The following ZNF692 variants were observed in gnomAD, a reference collection of about 807,000 sequenced individuals.
ZNF692 encodes the protein zinc finger protein 692.
Under a neutral mutation model 49.0 loss-of-function variants are expected in ZNF692, and 41 were observed. The ratio of observed to expected loss-of-function variants is 0.84; its 90% confidence interval spans 0.65 to 1.08. ZNF692 has a LOEUF of 1.08. Ranked by LOEUF, ZNF692 falls within the 50% of genes least tolerant of loss-of-function variation. The pLI is 0.00. For synonymous variants in ZNF692, 288 were observed against 251.5 expected, an observed-to-expected ratio of 1.15 and a Z score of -1.37; for missense variants, 662 against 662.2, an observed-to-expected ratio of 1.00 and a Z score of 0.00.
intron 10 of ZNF692, among the ~76,000 whole-genome samples, chr1:248,851,545 G>A (rs1312409344): frequency 6.6e-6 from 1 of 151,912 alleles, no homozygotes; most frequent in Non-Finnish European, 1.5e-5. Flanking sequence ...CGCACCATCA[G>A]ACCACACAAA....
In ZNF692 at chr1:248,854,825, G is replaced by A. The variant is rs999386998; in HGVS notation, c.1038+555C>T. 2.6e-5 allele frequency among the ~76,000 whole-genome samples: 4 copies of A among 152,156 alleles called. No individual in the cohort carries two copies. The South Asian group carries it at 8.3e-4, about 32-fold the overall frequency. On this transcript the variant is annotated intron_variant, in intron 9 of 11. Coordinates refer to ENST00000306601, the MANE Select transcript of ZNF692 (RefSeq NM_017865.4). ...CAGCCTAGAGCTTCCCTGTCATCCCGGGTCATTTTCCCTTTTCACTTGATT... is the reference window on the plus strand; with the variant it reads ...CAGCCTAGAGCTTCCCTGTCATCCCAGGTCATTTTCCCTTTTCACTTGATT...
intron 2 of ZNF692, 23 bp from the exon 3 acceptor site, chr1:248,857,882 G>C (rs1312528834): frequency 1.2e-6 from 2 of 1,612,856 alleles, no homozygotes; most frequent in African/African-American, 2.7e-5. Flanking sequence ...GAAGAGGCAG[G>C]TCAGGACTCA....
chr1:248,852,312 C>A (rs921999240), intron 10 of ZNF692, among the ~76,000 whole-genome samples: 3 of 152,182 alleles, frequency 2.0e-5, no homozygotes, highest in Admixed American at 6.5e-5. Flanking sequence ...CAAGAAACTA[C>A]AACACCCACA....
chr1:248,857,938 C>T (rs1221006029), intron 2 of ZNF692, 79 bp from the exon 3 acceptor site: 6 of 1,585,208 alleles, frequency 3.8e-6, no homozygotes, highest in African/African-American at 1.4e-5. Context: ...ATGTAAGGGG[C>T]CAGCCCTAAG....
Position 248,850,670 on chromosome 1 carries a change from C to T in ZNF692, c.1253+12G>A. 1 of 1,614,094 alleles carries T rather than the reference C, an allele frequency of 6.2e-7. No homozygotes were observed. Among genetic ancestry groups the T allele is most frequent in the Non-Finnish European group, 8.5e-7 (1 of 1,179,954 alleles). Reference sequence around the variant, plus strand: ...CTAGCCCCTGGCCCTCAGACCCCACCCCAGCACTCACTGCAGGGGTTTTTC... The same window carrying T: ...CTAGCCCCTGGCCCTCAGACCCCACTCCAGCACTCACTGCAGGGGTTTTTC... On this transcript the variant is annotated intron_variant, in intron 11 of 11. Transcript: ENST00000306601.
rs1660558532 is a variant in ZNF692, at chr1:248,858,802, A to C, written c.-13+116T>G. ...GAGGTCTGGAGGGCGCCCCCCATCC[A>C]CCCCGTCTTGGGCACCCCCACTTAA... On this transcript the variant is annotated intron_variant, in intron 1 of 11. Transcript: ENST00000306601. The surrounding 1 kb of genome is among the most constrained non-coding windows in gnomAD (Gnocchi z 4.3). The C allele has an allele frequency of 3.5e-6, 2 of 571,206 alleles. No individual in the cohort carries two copies. The highest frequency in any genetic ancestry group is 3.1e-6 in the Non-Finnish European group (1 of 318,638). The allele number at this position is 571,206 out of a possible 1,614,324, so 35.4% of individuals were successfully genotyped here. A position where few individuals can be genotyped will look rare whatever the true frequency, so the allele number is the denominator to read the frequency against.
Position 248,855,713 on chromosome 1 carries a change from C to T in ZNF692, c.881+12G>A. The T allele has an allele frequency of 6.2e-7, 1 of 1,614,234 alleles. No homozygotes were observed. Among genetic ancestry groups the T allele is most frequent in the Non-Finnish European group, 8.5e-7 (1 of 1,180,046 alleles). On this transcript the variant is annotated intron_variant, in intron 7 of 11. Coordinates refer to ENST00000306601, the MANE Select transcript of ZNF692 (RefSeq NM_017865.4). ...GACGCCCCTGCCCTTTCTGTCTCAG[C>T]CATCAGGTTACCTGGCCAGGGCCTC... is the stretch of plus-strand genomic sequence containing the variant.
intron 10 of ZNF692, among the ~76,000 whole-genome samples, chr1:248,853,167 C>A (rs1039067001): frequency 1.3e-5 from 2 of 152,190 alleles, no homozygotes; most frequent in African/African-American, 4.8e-5. Context: ...TCCATCTGCA[C>A]ACACACTGGC....
intron 9 of ZNF692, 58 bp from the exon 10 acceptor site, chr1:248,854,109 G>A (rs1659939346): frequency 6.7e-6 from 9 of 1,345,626 alleles, no homozygotes; most frequent in Middle Eastern, 1.8e-4. Flanking sequence ...CACCTTCCAC[G>A]GAGAGATGAA....
intron 10 of ZNF692, among the ~76,000 whole-genome samples, chr1:248,853,142 G>A (rs558209934): frequency 1.3e-5 from 2 of 152,056 alleles, no homozygotes; most frequent in East Asian, 1.9e-4. Context: ...TCCTTCCCAC[G>A]GCAGCTCGTT....
At position 248,857,254 on chromosome 1, in the gene ZNF692, G is replaced by A. The variant is rs112433170; in HGVS notation, c.455C>T (p.Thr152Met). The part of the protein sequence containing the change: ...TTRRSWCSEA[T>M]SGQELADLES... Reference sequence around the variant, plus strand: ...CCTACCTGCAAGCTCCTGCCCACTCGTGGCCTCGGAACACCAACTTCTCCG... The same window carrying A: ...CCTACCTGCAAGCTCCTGCCCACTCATGGCCTCGGAACACCAACTTCTCCG... The change falls in exon 4 of 12, where the codon ACG (threonine) becomes ATG (methionine). Residue 152 changes from threonine (T) to methionine (M), a missense_variant. Physicochemically the swap from Thr to Met is moderately conservative, Grantham distance 81 (BLOSUM62 -1). Transcript: ENST00000306601. 3.1e-5 allele frequency: 50 copies of A among 1,612,176 alleles called. 1 individual carries two copies. Among genetic ancestry groups the A allele is most frequent in the African/African-American group, 3.1e-4 (23 of 74,972 alleles).
intron 10 of ZNF692, among the ~76,000 whole-genome samples, chr1:248,853,510 C>T (rs1659857527): frequency 6.6e-6 from 1 of 152,192 alleles, no homozygotes; most frequent in South Asian, 2.1e-4. Context: ...CACCTAAGGG[C>T]CCTTCCACAC....
rs377070155 is a variant in ZNF692 at position 248,850,753 on chromosome 1, G to A, written c.1182C>T (p.Cys394=). Residue 394 remains cysteine, a synonymous_variant, in exon 11 of 12, where the codon TGC becomes TGT. Coordinates refer to ENST00000306601, the MANE Select transcript of ZNF692 (RefSeq NM_017865.4). ...TGCTGCTAGTGCGGAAAGACCGGGC[G>A]CAGAACTCACAGATGTAGTCCCGGG... is the stretch of plus-strand genomic sequence containing the variant. ...SDTRDYICEF[C]ARSFRTSSNL... The A allele has an allele frequency of 1.1e-5, 17 of 1,614,078 alleles. No homozygotes were observed. The African/African-American group carries it at 1.2e-4, about 11-fold the overall frequency.
intron 4 of ZNF692, 113 bp from the exon 5 acceptor site, chr1:248,856,675 AC>A: frequency 7.7e-7 from 1 of 1,298,588 alleles, no homozygotes; most frequent in Non-Finnish European, 1.1e-6. Flanking sequence ...TTAAATAGAG[AC>A]GGGGTCTCAC....
At position 248,850,211 on chromosome 1, in the gene ZNF692, C is replaced by A; in HGVS notation, c.1559G>T (p.Ter520LeuextTer36). The A allele has an allele frequency of 6.6e-7, 1 of 1,519,856 alleles. No individual in the cohort carries two copies. 94.1% of individuals were successfully genotyped at this position (1,519,856 alleles called of 1,614,324 possible). Residue 520 changes from the stop codon to leucine (L), a stop_lost, in exon 12 of 12, where the codon TGA becomes TTA. Transcript: ENST00000306601. ...CCAAAGCCAAAGCTGGAGGAGAGCT[C>A]ATTGCTGAGGAAGCAGGGTTGGAGC... is the stretch of plus-strand genomic sequence containing the variant. ...PQAPTLLPQQ* is the reference protein window; with the variant it reads ...PQAPTLLPQQL
Position 248,853,956 on chromosome 1 carries a change from C to G in ZNF692, c.1134G>C (p.Glu378Asp). The G allele has an allele frequency of 6.2e-7, 1 of 1,614,058 alleles. No individual in the cohort carries two copies. The highest frequency in any genetic ancestry group is 1.7e-5 in the Admixed American group (1 of 60,032). The change falls in exon 10 of 12, where the codon GAG (glutamate) becomes GAC (aspartate). Residue 378 changes from glutamate (E) to aspartate (D), a missense_variant. Transcript: ENST00000306601. ...ACTCACCACTGTGCAGCTTCATGTG[C>G]TCCTTCAGGTGTTTCTTAAAGTTGA... ...KSFNFKKHLK[E>D]HMKLHSDTRD...
chr1:248,855,066 C>T (rs1162020132), intron 9 of ZNF692, among the ~76,000 whole-genome samples: 1 of 152,172 alleles, frequency 6.6e-6, no homozygotes, highest in African/African-American at 2.4e-5. Context: ...TCTAGAACTA[C>T]CCTCTCAAGC....
In ZNF692 at chr1:248,858,285, C is replaced by A; in HGVS notation, c.25G>T (p.Val9Leu). The A allele has an allele frequency of 6.4e-7, 1 of 1,572,752 alleles. No individual in the cohort carries two copies. ...CGCTTCTCCCGCCGCCTGCAGGACA[C>A]GTCCACCGCCGGGGAGGAAGCCATG... MASSPAVD[V>L]SCRRREKRRQ... The change falls in exon 2 of 12, where the codon GTG becomes TTG. Residue 9 changes from valine to leucine, a missense_variant. Physicochemically the swap from Val to Leu is conservative, Grantham distance 32. Coordinates refer to ENST00000306601, the MANE Select transcript of ZNF692 (RefSeq NM_017865.4). The surrounding 1 kb of genome is among the most constrained non-coding windows in gnomAD (Gnocchi z 4.3).
Position 248,858,819 on chromosome 1 carries a change from C to A in ZNF692, c.-13+99G>T. The A allele has an allele frequency of 1.8e-6, 1 of 561,096 alleles. No homozygotes were observed. Among genetic ancestry groups the A allele is most frequent in the Non-Finnish European group, 3.2e-6 (1 of 311,526 alleles). 34.8% of individuals were successfully genotyped at this position (561,096 alleles called of 1,614,324 possible). A position where few individuals can be genotyped will look rare whatever the true frequency, so the allele number is the denominator to read the frequency against. ...CCCCATCCACCCCGTCTTGGGCACC[C>A]CCACTTAATGCTGACAGTGAGTGGA... On this transcript the variant is annotated intron_variant, in intron 1 of 11. Transcript: ENST00000306601. This position sits in a 1 kb window ranked among gnomAD's most constrained non-coding sequence, Gnocchi z 4.3.
Sources: allele counts gnomAD v4.1 joint callset (sites outside exome capture counted in the v4.1 genomes callset), GRCh38; gene constraint gnomAD v4.1.1; non-coding constraint Gnocchi (gnomAD v3.1); transcripts MANE v1.5; gene names NCBI Gene and HGNC (gene_info 2026-07-23, HGNC 2026-07-21).